FREM3: variants seen among roughly 807,000 people sequenced by gnomAD.
FREM3 encodes the protein FRAS1 related extracellular matrix 3, also known as FRAS1-related extracellular matrix protein 3.
A neutral mutation model predicts 129.1 loss-of-function variants in FREM3; 105 were observed. That is an observed-to-expected ratio of 0.81 (90% CI 0.69 to 0.96). The LOEUF (loss-of-function observed/expected upper bound fraction) is 0.96. FREM3 is among the 40% of genes least tolerant of loss of function. The pLI is 0.00. For missense variants in FREM3, 2,593 were observed against 2,666.3 expected (o/e 0.97, Z 0.61); for synonymous variants, 1,014 against 1,044.9 (o/e 0.97, Z 0.57).
At chr4:143,694,196 A>G (rs1394873518) in intron 1 of FREM3, among the ~76,000 whole-genome samples, 1 of 152,208 alleles carries the variant, frequency 6.6e-6, no homozygotes, top group African/African-American at 2.4e-5. Flanking sequence ...CTATGTGCAT[A>G]TTCTCTGGGT....
chr4:143,597,121 AAAAC>A (rs928341061), intron 6 of FREM3, among the ~76,000 whole-genome samples: 4 of 152,022 alleles, frequency 2.6e-5, no homozygotes, highest in African/African-American at 7.3e-5. Flanking sequence ...AAAGAGACCA[AAAAC>A]AAACAGACAG....
At chr4:143,636,660 G>A (rs2149845225) in intron 2 of FREM3, among the ~76,000 whole-genome samples, 1 of 152,050 alleles carries the variant, frequency 6.6e-6, no homozygotes, top group Admixed American at 6.5e-5. Flanking sequence ...TATTTAGGAA[G>A]ATTTAATTTT....
rs1318169528 is a variant in FREM3, at chr4:143,577,586, C to G, written c.*25G>C. On this transcript the variant is annotated 3_prime_UTR_variant, in exon 8 of 8. Coordinates refer to ENST00000329798, the MANE Select transcript of FREM3 (RefSeq NM_001168235.2). The stretch of plus-strand genomic sequence containing the variant: ...TCTGTTGTTAGGAGACATATCTTGG[C>G]TGTTTTTTTCCCTCTTAAAGTCTTT... 1.3e-6 allele frequency: 2 copies of G among 1,527,026 alleles called. No individual in the cohort carries two copies. Among genetic ancestry groups the G allele is most frequent in the Admixed American group, 2.0e-5 (1 of 50,082 alleles). The allele number at this position is 1,527,026 out of a possible 1,614,324, so 94.6% of individuals were successfully genotyped here.
At chr4:143,689,092 C>A (rs1740419933) in intron 2 of FREM3, among the ~76,000 whole-genome samples, 1 of 152,092 alleles carries the variant, frequency 6.6e-6, no homozygotes. Context: ...AACAGACAAC[C>A]CACAGAGTGG....
chr4:143,595,751 G>A (rs1008454352), intron 6 of FREM3, among the ~76,000 whole-genome samples: 2 of 152,212 alleles, frequency 1.3e-5, no homozygotes, highest in African/African-American at 2.4e-5. Context: ...AGCCAGGTGT[G>A]GTGGCAGGCT....
At chr4:143,636,911 G>T (rs1739242785) in intron 2 of FREM3, among the ~76,000 whole-genome samples, 1 of 152,092 alleles carries the variant, frequency 6.6e-6, no homozygotes, top group South Asian at 2.1e-4. Context: ...AAAAATTTTA[G>T]TTGACTAGGA....
chr4:143,634,612 C>A (rs1233419604), intron 2 of FREM3, among the ~76,000 whole-genome samples: 2 of 152,140 alleles, frequency 1.3e-5, no homozygotes, highest in Non-Finnish European at 2.9e-5. Flanking sequence ...ATCCTGCCTC[C>A]TCATGTGTGG....
intron 2 of FREM3, among the ~76,000 whole-genome samples, chr4:143,674,284 C>T (rs554359716): frequency 6.6e-6 from 1 of 152,134 alleles, no homozygotes; most frequent in East Asian, 1.9e-4. Context: ...CCATATCCAG[C>T]CAAACTAAGC....
chr4:143,662,673 G>C (rs1578857199), intron 2 of FREM3, among the ~76,000 whole-genome samples: 1 of 151,940 alleles, frequency 6.6e-6, no homozygotes, highest in Non-Finnish European at 1.5e-5. Flanking sequence ...GTCTAATGTT[G>C]ACAGTGGGGT....
rs1408824467 is a variant in FREM3, at chr4:143,699,780, C to G, written c.896G>C (p.Gly299Ala). Residue 299 changes from glycine to alanine, a missense_variant, in exon 1 of 8, where the codon GGA becomes GCA. Transcript: ENST00000329798. The surrounding 1 kb of genome is among the most constrained non-coding windows in gnomAD (Gnocchi z 4.2). ...HFQLLVRIRG[G>A]AENTPPRPSF... ...GGGCCTGGGCGGTGTGTTCTCGGCT[C>G]CGCCGCGGATCCTCACGAGCAGCTG... The G allele has an allele frequency of 5.9e-6, 9 of 1,534,372 alleles. No individual in the cohort carries two copies. In the East Asian group the frequency reaches 9.8e-5, roughly 17 times the overall value.
At chr4:143,630,684 G>A (rs1739119437) in intron 2 of FREM3, among the ~76,000 whole-genome samples, 1 of 152,096 alleles carries the variant, frequency 6.6e-6, no homozygotes, top group Non-Finnish European at 1.5e-5. Context: ...CTAGAGAAAT[G>A]AGAAAGACAA....
rs914570914 is a variant in FREM3 at position 143,695,920 on chromosome 4, A to C, written c.4756T>G (p.Leu1586Val). The change falls in exon 1 of 8, where the codon TTG becomes GTG. Residue 1586 changes from leucine to valine, a missense_variant. By Grantham distance (32) the Leu-to-Val change is conservative. This residue lies in a region of FREM3 where 2,276 missense variants were observed against 2,267.2 expected (regional missense o/e 1.00). Transcript: ENST00000329798. Reference protein sequence around the residue: ...ITQVPMHGKILYNGSRPVTTF... With the variant: ...ITQVPMHGKIVYNGSRPVTTF... ...GTCACGGGACGGCTACCATTGTACA[A>C]AATCTTGCCATGCATGGGGACCTGG... 2.0e-6 allele frequency: 3 copies of C among 1,537,796 alleles called. No homozygotes were observed. The highest frequency in any genetic ancestry group is 8.7e-7 in the Non-Finnish European group (1 of 1,147,034).
intron 2 of FREM3, among the ~76,000 whole-genome samples, chr4:143,675,629 T>C (rs1226755273): frequency 1.3e-5 from 2 of 151,808 alleles, no homozygotes; most frequent in Non-Finnish European, 2.9e-5. Context: ...ATCAACAAAA[T>C]TGATAGACTG....
At chr4:143,617,438 A>G (rs1369294251) in intron 5 of FREM3, among the ~76,000 whole-genome samples, 2 of 152,214 alleles carry the variant, frequency 1.3e-5, no homozygotes, top group African/African-American at 2.4e-5. Flanking sequence ...GAGGAACAAG[A>G]ATAAATTCTC....
Position 143,595,077 on chromosome 4 carries a change from T to C in FREM3, c.6029-9084A>G, listed in dbSNP as rs183221231. Among the ~76,000 whole-genome samples, 46 of 152,326 alleles carry C rather than the reference T, an allele frequency of 3.0e-4. 2 individuals carry two copies. The highest frequency in any genetic ancestry group is 2.7e-3 in the Admixed American group (42 of 15,304). The stretch of plus-strand genomic sequence containing the variant: ...AAATTAAGCTCTCAAAGAGATAAAA[T>C]TATCATTTAAAATGAGTTCAGTGTT... On this transcript the variant is annotated intron_variant, in intron 6 of 7. Transcript: ENST00000329798.
chr4:143,698,627 G>A lies in FREM3; in HGVS notation c.2049C>T (p.Pro683=). 6.5e-7 allele frequency: 1 copy of A among 1,537,814 alleles called. No individual in the cohort carries two copies. Among genetic ancestry groups the A allele is most frequent in the African/African-American group, 1.4e-5 (1 of 73,144 alleles). Reference sequence around the variant, plus strand: ...TGAAAATGTGCTGTTTGGAGAGATTGGGTGGGTCATGGTCATCCTGCACAT... The same window carrying A: ...TGAAAATGTGCTGTTTGGAGAGATTAGGTGGGTCATGGTCATCCTGCACAT... The part of the protein sequence containing the change: ...AFHVQDDHDP[P]NLSKQHIFTI... Residue 683 remains proline, a synonymous_variant, in exon 1 of 8, where the codon CCC becomes CCT. Transcript: ENST00000329798.
chr4:143,624,124 A>G lies in FREM3; in HGVS notation c.5637T>C (p.Ile1879=). Reference sequence around the variant, plus strand: ...GTCACATACCATCTCCAGGGTCTACAATTTCAACCGTTGCCATTTCTGGAA... The same window carrying G: ...GTCACATACCATCTCCAGGGTCTACGATTTCAACCGTTGCCATTTCTGGAA... ...LEFPEMATVE[I]VDPGDESTVY... The change falls in exon 4 of 8, where the codon ATT becomes ATC. Residue 1879 remains isoleucine, a synonymous_variant. Transcript: ENST00000329798. The G allele has an allele frequency of 6.5e-7, 1 of 1,530,944 alleles. No homozygotes were observed. Among genetic ancestry groups the G allele is most frequent in the Non-Finnish European group, 8.8e-7 (1 of 1,141,188 alleles). 94.8% of individuals were successfully genotyped at this position (1,530,944 alleles called of 1,614,324 possible). A position where few individuals can be genotyped will look rare whatever the true frequency, so the allele number is the denominator to read the frequency against.
At chr4:143,665,733 A>T (rs929721553) in intron 2 of FREM3, among the ~76,000 whole-genome samples, 2 of 152,124 alleles carry the variant, frequency 1.3e-5, no homozygotes, top group Non-Finnish European at 2.9e-5. Flanking sequence ...AAGAGATACA[A>T]ATTGTTTCCC....
chr4:143,588,463 A>G (rs1312772520), intron 6 of FREM3, among the ~76,000 whole-genome samples: 1 of 144,556 alleles, frequency 6.9e-6, no homozygotes, highest in Non-Finnish European at 1.5e-5. Context: ...CTCATTGTTC[A>G]ATTCCCACCT....
Sources: gnomAD v4.1 joint callset for allele counts (sites outside exome capture counted in the v4.1 genomes callset) on GRCh38, gnomAD v4.1.1 for gene constraint, gnomAD v4.1.1 regional missense constraint, Gnocchi (gnomAD v3.1) non-coding constraint, MANE v1.5 for transcripts, NCBI Gene and HGNC (gene_info 2026-07-23, HGNC 2026-07-21) for gene names.